FAM78B: variants seen among roughly 807,000 people sequenced by gnomAD.
FAM78B encodes the protein family with sequence similarity 78 member B.
FAM78B carries 10 observed loss-of-function variants against 20.0 expected under a neutral mutation model. The ratio of observed to expected loss-of-function variants is 0.50; its 90% confidence interval spans 0.31 to 0.85. FAM78B has a LOEUF of 0.85. FAM78B is among the 40% of genes least tolerant of loss of function. The pLI is 0.05. For synonymous variants in FAM78B, 135 were observed against 132.8 expected, an observed-to-expected ratio of 1.02 and a Z score of -0.12; for missense variants, 283 against 345.0, an observed-to-expected ratio of 0.82 and a Z score of 1.42.
At chr1:166,127,304 C>A (rs907636431) in intron 1 of FAM78B, among the ~76,000 whole-genome samples, 3 of 152,184 alleles carry the variant, frequency 2.0e-5, no homozygotes, top group African/African-American at 7.2e-5. Context: ...ACAGAGACTG[C>A]ATATATATTG....
intron 2 of FAM78B, among the ~76,000 whole-genome samples, chr1:166,061,592 G>A (rs1284619123): frequency 6.6e-6 from 1 of 152,162 alleles, no homozygotes; most frequent in African/African-American, 2.4e-5. Context: ...GGACTTAACA[G>A]CCTAGAAGAC....
At chr1:166,157,807 G>C (rs528001193) in intron 1 of FAM78B, among the ~76,000 whole-genome samples, 1 of 152,300 alleles carries the variant, frequency 6.6e-6, no homozygotes, top group South Asian at 2.1e-4. Context: ...GGGCCTGAAG[G>C]TGTAGGCACA....
At chr1:166,132,936 T>A (rs1390762804) in intron 1 of FAM78B, among the ~76,000 whole-genome samples, 1 of 152,092 alleles carries the variant, frequency 6.6e-6, no homozygotes, top group Non-Finnish European at 1.5e-5. Context: ...TTTGTAGGGG[T>A]GTAACTGCCA....
chr1:166,077,858 TA>T (rs1364571881), intron 1 of FAM78B, among the ~76,000 whole-genome samples: 2 of 35,302 alleles, frequency 5.7e-5, no homozygotes, highest in Non-Finnish European at 1.4e-4. Flanking sequence ...ATAATATATA[TA>T]ATTTATATAT....
chr1:166,121,431 T>C (rs1654462310), intron 1 of FAM78B, among the ~76,000 whole-genome samples: 1 of 152,176 alleles, frequency 6.6e-6, no homozygotes, highest in Non-Finnish European at 1.5e-5. Context: ...AGCTCTATAC[T>C]GTCTAAGCAG....
intron 1 of FAM78B, among the ~76,000 whole-genome samples, chr1:166,123,978 G>A (rs1236356908): frequency 2.0e-5 from 3 of 152,242 alleles, no homozygotes; most frequent in South Asian, 4.1e-4. Context: ...AGTGGGAAGA[G>A]GAGTGGGATC....
intron 1 of FAM78B, among the ~76,000 whole-genome samples, chr1:166,151,805 G>A (rs750210160): frequency 3.3e-5 from 5 of 152,200 alleles, no homozygotes; most frequent in Non-Finnish European, 5.9e-5. Flanking sequence ...AAGTTCAACA[G>A]ATAGGGTTTC....
intron 1 of FAM78B, among the ~76,000 whole-genome samples, chr1:166,081,735 G>T (rs1199093841): frequency 2.0e-5 from 3 of 152,148 alleles, no homozygotes; most frequent in Non-Finnish European, 4.4e-5. Context: ...GGCTCTGGGG[G>T]TGCCAAGAGG....
intron 1 of FAM78B, among the ~76,000 whole-genome samples, chr1:166,077,699 TAATA>T (rs557532347): frequency 0.02 from 2,499 of 126,536 alleles, 66 homozygotes; most frequent in African/African-American, 0.075. Flanking sequence ...AAATTATATA[TAATA>T]AATACATATA....
chr1:166,092,108 T>C (rs1399718559), intron 1 of FAM78B, among the ~76,000 whole-genome samples: 1 of 151,942 alleles, frequency 6.6e-6, no homozygotes, highest in African/African-American at 2.4e-5. Flanking sequence ...TGAGGAATTT[T>C]CCAGAACTTA....
intron 1 of FAM78B, among the ~76,000 whole-genome samples, chr1:166,077,247 C>G (rs767090430): frequency 6.6e-6 from 1 of 152,134 alleles, no homozygotes; most frequent in Non-Finnish European, 1.5e-5. Flanking sequence ...TGGCTGAAAG[C>G]AGCATTCTGG....
chr1:166,101,521 T>G (rs2101747283), intron 1 of FAM78B, among the ~76,000 whole-genome samples: 1 of 152,316 alleles, frequency 6.6e-6, no homozygotes, highest in South Asian at 2.1e-4. Flanking sequence ...TTAAAGGACC[T>G]GATGGAGCTG....
At chr1:166,134,066 A>G (rs1433501791) in intron 1 of FAM78B, among the ~76,000 whole-genome samples, 1 of 152,156 alleles carries the variant, frequency 6.6e-6, no homozygotes, top group Non-Finnish European at 1.5e-5. Flanking sequence ...GTTCAGAGAA[A>G]AGAAAGTTTG....
At chr1:166,150,842 C>T (rs1655645275) in intron 1 of FAM78B, among the ~76,000 whole-genome samples, 1 of 152,050 alleles carries the variant, frequency 6.6e-6, no homozygotes, top group Non-Finnish European at 1.5e-5. Flanking sequence ...AATGCCAGCA[C>T]TTTGGGAGGC....
At chr1:166,112,788 T>C (rs1654107105) in intron 1 of FAM78B, among the ~76,000 whole-genome samples, 2 of 152,314 alleles carry the variant, frequency 1.3e-5, no homozygotes, top group East Asian at 3.9e-4. Flanking sequence ...TACTACACAG[T>C]CAACTTGTCT....
At chr1:166,057,062 C>T (rs374209915), downstream of FAM78B, among the ~76,000 whole-genome samples, 75 of 152,292 alleles carry the variant, frequency 4.9e-4, no homozygotes, top group African/African-American at 1.8e-3. Flanking sequence ...GAGCCTTGAT[C>T]GTGGACTTCC....
At chr1:166,091,514 A>ACAT (rs1653072833) in intron 1 of FAM78B, among the ~76,000 whole-genome samples, 2 of 152,154 alleles carry the variant, frequency 1.3e-5, no homozygotes, top group East Asian at 3.9e-4. Context: ...ATGATTGTGA[A>ACAT]GCCTGTCCAG....
At chr1:166,161,951 T>C (rs1351743109) in intron 1 of FAM78B, among the ~76,000 whole-genome samples, 1 of 152,082 alleles carries the variant, frequency 6.6e-6, no homozygotes, top group African/African-American at 2.4e-5. Context: ...TCTCTCACCA[T>C]TAGGATGGAT....
intron 1 of FAM78B, among the ~76,000 whole-genome samples, chr1:166,087,654 G>C (rs538227380): frequency 2.0e-5 from 3 of 152,324 alleles, no homozygotes; most frequent in East Asian, 3.9e-4. Context: ...TAAGTAATGT[G>C]TCTCTCTTTG....
Sources: allele counts gnomAD v4.1 joint callset (sites outside exome capture counted in the v4.1 genomes callset), GRCh38; gene constraint gnomAD v4.1.1; transcripts MANE v1.5; gene names NCBI Gene and HGNC (gene_info 2026-07-23, HGNC 2026-07-21).